Variants in KLHL4 observed in about 807,000 individuals in gnomAD.
KLHL4 encodes the protein kelch-like protein 4.
In KLHL4, 17 loss-of-function variants were observed where a neutral mutation model predicts 45.8. That is an observed-to-expected ratio of 0.37 (90% CI 0.25 to 0.56). The LOEUF is 0.56. KLHL4 is among the 20% of genes least tolerant of loss of function. The probability of loss-of-function intolerance (pLI) is 0.79; values close to 1 mark genes in which losing one functional copy is unlikely to be tolerated. For missense variants in KLHL4, 544 were observed against 544.9 expected, an observed-to-expected ratio of 1.00 and a Z score of 0.02; for synonymous variants, 224 against 189.9, an observed-to-expected ratio of 1.18 and a Z score of -1.47.
At chrX:87,647,668 A>T (rs1452386770) in intron 9 of KLHL4, among the ~76,000 whole-genome samples, 1 of 111,611 alleles carries the variant, frequency 9.0e-6, no homozygotes, top group Non-Finnish European at 1.9e-5. Flanking sequence ...CATAAGTGGG[A>T]GCTAAACTAT....
chrX:87,518,744 A>T (rs1197045831), intron 1 of KLHL4, among the ~76,000 whole-genome samples: 1 of 112,051 alleles, frequency 8.9e-6, no homozygotes, highest in Non-Finnish European at 1.9e-5. Context: ...GCACATCCTT[A>T]TCTGTTTCCT....
At chrX:87,595,536 G>C (rs747876919) in intron 1 of KLHL4, among the ~76,000 whole-genome samples, 1 of 111,631 alleles carries the variant, frequency 9.0e-6, no homozygotes, top group African/African-American at 3.3e-5. Context: ...CTTATGTGAA[G>C]TGAATGAGCA....
chrX:87,609,878 A>T (rs2147811135), intron 1 of KLHL4, among the ~76,000 whole-genome samples: 1 of 111,650 alleles, frequency 9.0e-6, no homozygotes, highest in East Asian at 2.8e-4. Context: ...CATAAACTAA[A>T]AGAGTGAGAA....
chrX:87,614,590 T>C lies in KLHL4; in HGVS notation c.727+20T>C, dbSNP rs1922493225. The C allele has an allele frequency of 8.4e-7, 1 of 1,184,143 alleles. No individual in the cohort carries two copies. Reference sequence around the variant, plus strand: ...ACACAGGTAAGTGCCAAATACACATTAACTCATAATGACCCTACATTACAT... The same window carrying C: ...ACACAGGTAAGTGCCAAATACACATCAACTCATAATGACCCTACATTACAT... On this transcript the variant is annotated intron_variant, in intron 3 of 10. Coordinates refer to ENST00000373119, the MANE Select transcript of KLHL4 (RefSeq NM_019117.5).
In KLHL4 at chrX:87,517,993, A is replaced by T; in HGVS notation, c.100A>T (p.Ser34Cys). 8.3e-7 allele frequency: 1 copy of T among 1,211,354 alleles called. No homozygotes were observed. Among genetic ancestry groups the T allele is most frequent in the Non-Finnish European group, 1.1e-6 (1 of 895,368 alleles). The change falls in exon 1 of 11, where the codon AGC becomes TGC. Residue 34 changes from serine (S) to cysteine (C), a missense_variant. Transcript: ENST00000373119. ...TTTTCAAGGTTCCACCAACACTGGA[A>T]GCTGTCTTCAGCAGGAAGGATATGA... ...HPFQGSTNTG[S>C]CLQQEGYEHR...
At chrX:87,537,399 A>G (rs1391948294) in intron 1 of KLHL4, among the ~76,000 whole-genome samples, 2 of 111,211 alleles carry the variant, frequency 1.8e-5, no homozygotes, top group Non-Finnish European at 3.8e-5. Flanking sequence ...TTTTATATTA[A>G]TGTTTTGATT....
chrX:87,615,891 A>G (rs1237797386), intron 3 of KLHL4, among the ~76,000 whole-genome samples: 1 of 111,309 alleles, frequency 9.0e-6, no homozygotes, highest in Non-Finnish European at 1.9e-5. Context: ...CTGGAATTAG[A>G]TAGTGATACA....
chrX:87,664,895 C>T lies in KLHL4; in HGVS notation c.2057C>T (p.Thr686Ile), dbSNP rs1334189375. ...GGYDGHTYLN[T>I]VESYDAQRNE... ...TATGACGGACATACTTATTTGAACA[C>T]AGTTGAGTCATATGATGCACAGAGA... Residue 686 changes from threonine (T) to isoleucine (I), a missense_variant, in exon 10 of 11, where the codon ACA becomes ATA. Thr to Ile is a moderately conservative substitution (Grantham distance 89). Transcript: ENST00000373119. The T allele has an allele frequency of 1.7e-6, 2 of 1,192,284 alleles. No homozygotes were observed. The highest frequency in any genetic ancestry group is 2.3e-6 in the Non-Finnish European group (2 of 880,268).
intron 9 of KLHL4, among the ~76,000 whole-genome samples, chrX:87,646,787 C>T (rs1923651204): frequency 9.0e-6 from 1 of 111,367 alleles, no homozygotes; most frequent in African/African-American, 3.3e-5. Flanking sequence ...AGCCTGAAAC[C>T]ATAAAATTTC....
intron 1 of KLHL4, among the ~76,000 whole-genome samples, chrX:87,612,886 C>T (rs947196960): frequency 1.8e-5 from 2 of 111,172 alleles, no homozygotes. Context: ...TTTCAGTCTA[C>T]GGTGCCAAGA....
At chrX:87,612,221 T>C (rs1355033400) in intron 1 of KLHL4, among the ~76,000 whole-genome samples, 1 of 111,978 alleles carries the variant, frequency 8.9e-6, no homozygotes, top group African/African-American at 3.2e-5. Flanking sequence ...CACCATTCAC[T>C]TACTTACCCC....
intron 1 of KLHL4, among the ~76,000 whole-genome samples, chrX:87,612,387 A>T (rs1922412034): frequency 8.9e-6 from 1 of 111,905 alleles, no homozygotes; most frequent in Non-Finnish European, 1.9e-5. Context: ...AGTTGCCTAC[A>T]TTGTATTCAG....
chrX:87,633,163 T>G (rs918745389), intron 7 of KLHL4, among the ~76,000 whole-genome samples: 1 of 111,213 alleles, frequency 9.0e-6, no homozygotes, highest in Admixed American at 9.6e-5. Context: ...ACTGAGAGGT[T>G]GATTGGGATA....
In KLHL4 at chrX:87,625,739, C is replaced by T. The variant is rs753175118; in HGVS notation, c.1267C>T (p.Pro423Ser). Residue 423 changes from proline (P) to serine (S), a missense_variant, in exon 6 of 11, where the codon CCT (proline) becomes TCT (serine). Pro to Ser is a moderately conservative substitution (Grantham distance 74, BLOSUM62 -1). Transcript: ENST00000373119. ...RSMMQSPRTK[P>S]RKSTVGALYA... Reference sequence around the variant, plus strand: ...CATGATGCAAAGCCCTCGGACAAAGCCTAGAAAATCAACTGTGGGGGCACT... The same window carrying T: ...CATGATGCAAAGCCCTCGGACAAAGTCTAGAAAATCAACTGTGGGGGCACT... The T allele has an allele frequency of 2.5e-6, 3 of 1,208,879 alleles. No homozygotes were observed. Among genetic ancestry groups the T allele is most frequent in the South Asian group, 3.5e-5 (2 of 56,619 alleles).
intron 1 of KLHL4, among the ~76,000 whole-genome samples, chrX:87,555,348 T>C (rs1931945691): frequency 9.0e-6 from 1 of 110,831 alleles, no homozygotes; most frequent in Non-Finnish European, 1.9e-5. Context: ...CATCTGGTCC[T>C]GGACTCTTTT....
rs1160857135 is a variant in KLHL4, at chrX:87,528,706, CAAAAAAAAAAAAAAAA to C, written c.422+10407_422+10422del. Among the ~76,000 whole-genome samples the C allele has an allele frequency of 8.3e-3, 262 of 31,479 alleles. 4 individuals carry two copies. In the South Asian group the frequency reaches 0.13, roughly 16 times the overall value. 27.3% of individuals were successfully genotyped at this position (31,479 alleles called of 115,157 possible). The stretch of plus-strand genomic sequence containing the variant: ...ATTCCAGCCTGGTAACAAAGCGAGA[CAAAAAAAAAAAAAAAA>C]AAAAAAAAAAAAAAAGAGTTCCAGG... On this transcript the variant is annotated intron_variant, in intron 1 of 10. Transcript: ENST00000373119.
chrX:87,572,927 C>A (rs1205969311), intron 1 of KLHL4, among the ~76,000 whole-genome samples: 2 of 110,413 alleles, frequency 1.8e-5, no homozygotes, highest in Non-Finnish European at 3.8e-5. Context: ...AAGTACTGAC[C>A]ATTATGTTAT....
At chrX:87,569,886 C>T (rs1192318504) in intron 1 of KLHL4, among the ~76,000 whole-genome samples, 1 of 110,952 alleles carries the variant, frequency 9.0e-6, no homozygotes, top group African/African-American at 3.3e-5. Context: ...GAAAATGTTT[C>T]GGAAATAAAT....
chrX:87,526,657 G>A (rs1184351059), intron 1 of KLHL4, among the ~76,000 whole-genome samples: 2 of 111,608 alleles, frequency 1.8e-5, no homozygotes, highest in African/African-American at 3.2e-5. Context: ...TAGGAAGAAC[G>A]AAAAACCTTT....
Sources: allele counts gnomAD v4.1 joint callset (sites outside exome capture counted in the v4.1 genomes callset), GRCh38; gene constraint gnomAD v4.1.1; transcripts MANE v1.5; gene names NCBI Gene and HGNC (gene_info 2026-07-23, HGNC 2026-07-21).